ETV6: variants seen among roughly 807,000 people sequenced by gnomAD.
ETV6 encodes the protein transcription factor ETV6.
ETV6 carries 16 observed loss-of-function variants against 51.1 expected under a neutral mutation model. The ratio of observed to expected loss-of-function variants is 0.31; its 90% CI spans 0.21 to 0.48. The LOEUF is 0.48. ETV6 is among the 20% of genes least tolerant of loss of function. The probability of loss-of-function intolerance (pLI) is 0.99; values close to 1 mark genes in which losing one functional copy is unlikely to be tolerated. For synonymous variants in ETV6, 240 were observed against 224.1 expected (o/e 1.07, Z -0.64); for missense variants, 458 against 594.8 (o/e 0.77, Z 2.39).
At chr12:11,787,281 C>T (rs925344493) in intron 2 of ETV6, among the ~76,000 whole-genome samples, 1 of 152,178 alleles carries the variant, frequency 6.6e-6, no homozygotes, top group African/African-American at 2.4e-5. Flanking sequence ...CCACTCACCA[C>T]ATACGGCTTT....
intron 1 of ETV6, among the ~76,000 whole-genome samples, chr12:11,734,423 A>AGGC: frequency 6.6e-6 from 1 of 151,838 alleles, no homozygotes; most frequent in East Asian, 1.9e-4. Context: ...CCTGGGCAAC[A>AGGC]TGACGAAACC....
intron 2 of ETV6, among the ~76,000 whole-genome samples, chr12:11,834,506 G>C (rs1288887177): frequency 1.3e-5 from 2 of 152,202 alleles, no homozygotes; most frequent in Non-Finnish European, 2.9e-5. Context: ...AAACTGAAAA[G>C]AGAATGCAAC....
chr12:11,736,874 C>T (rs2121001145), intron 1 of ETV6, among the ~76,000 whole-genome samples: 1 of 152,354 alleles, frequency 6.6e-6, no homozygotes, highest in South Asian at 2.1e-4. Flanking sequence ...ACTAGAAATA[C>T]TTTGAGCTCA....
intron 1 of ETV6, among the ~76,000 whole-genome samples, chr12:11,750,114 GA>G (rs1865993862): frequency 6.6e-6 from 1 of 152,196 alleles, no homozygotes; most frequent in South Asian, 2.1e-4. Context: ...GTTTGCGGGG[GA>G]TGGCGTCAGA....
At chr12:11,859,978 T>C (rs1283523189) in intron 4 of ETV6, among the ~76,000 whole-genome samples, 1 of 152,190 alleles carries the variant, frequency 6.6e-6, no homozygotes, top group Non-Finnish European at 1.5e-5. Flanking sequence ...TTCACCCTTC[T>C]AGATCATTAA....
At chr12:11,788,393 C>T (rs1024892866) in intron 2 of ETV6, among the ~76,000 whole-genome samples, 1 of 152,174 alleles carries the variant, frequency 6.6e-6, no homozygotes, top group African/African-American at 2.4e-5. Flanking sequence ...GAACCACCAC[C>T]TGTTAAAAAG....
intron 2 of ETV6, among the ~76,000 whole-genome samples, chr12:11,787,192 A>G (rs553809732): frequency 6.6e-6 from 1 of 152,334 alleles, no homozygotes; most frequent in East Asian, 1.9e-4. Context: ...GTGAAAATGG[A>G]TCAGTTATTC....
intron 5 of ETV6, among the ~76,000 whole-genome samples, chr12:11,874,498 A>G (rs371512931): frequency 1.8e-3 from 2 of 1,100 alleles, no homozygotes; most frequent in African/African-American, 2.5e-3. Context: ...GTACACACAT[A>G]TGTGTATGTG....
At chr12:11,723,478 A>T (rs1235916012) in intron 1 of ETV6, among the ~76,000 whole-genome samples, 1 of 151,900 alleles carries the variant, frequency 6.6e-6, no homozygotes, top group Non-Finnish European at 1.5e-5. Context: ...ATTGTGACAA[A>T]ATTAATCCAT....
chr12:11,830,657 G>A (rs748325002), intron 2 of ETV6, among the ~76,000 whole-genome samples: 62 of 152,174 alleles, frequency 4.1e-4, no homozygotes, highest in Middle Eastern at 3.2e-3. Flanking sequence ...GCCTAGGAAT[G>A]GAAATCTTTG....
At chr12:11,668,209 C>T (rs901065329) in intron 1 of ETV6, among the ~76,000 whole-genome samples, 17 of 141,066 alleles carry the variant, frequency 1.2e-4, no homozygotes, top group African/African-American at 4.2e-4. Flanking sequence ...TAAAAATTGA[C>T]CTGCCTTGGA....
rs151030090 is a variant in ETV6, at chr12:11,709,997, T to C, written c.34-42453T>C. On this transcript the variant is annotated intron_variant, in intron 1 of 7. Transcript: ENST00000396373. ...GGAGAACCCTGACTAATACAGCATA[T>C]CACACCTCTCTGTATGCCACGTAGG... is the stretch of plus-strand genomic sequence containing the variant. Among the ~76,000 whole-genome samples the C allele has an allele frequency of 3.4e-3, 519 of 152,322 alleles. 3 individuals carry two copies. The highest frequency in any genetic ancestry group is 0.012 in the African/African-American group (491 of 41,558).
At chr12:11,860,783 A>C (rs1037352435) in intron 4 of ETV6, among the ~76,000 whole-genome samples, 1 of 152,148 alleles carries the variant, frequency 6.6e-6, no homozygotes, top group South Asian at 2.1e-4. Flanking sequence ...AGTAGTGGTA[A>C]GTCTATTCAC....
chr12:11,687,078 G>A (rs1864645186), intron 1 of ETV6, among the ~76,000 whole-genome samples: 1 of 152,068 alleles, frequency 6.6e-6, no homozygotes, highest in African/African-American at 2.4e-5. Context: ...TAGAGACGGG[G>A]TTTCACCATG....
At chr12:11,823,839 A>G (rs1482093225) in intron 2 of ETV6, among the ~76,000 whole-genome samples, 1 of 152,040 alleles carries the variant, frequency 6.6e-6, no homozygotes, top group Non-Finnish European at 1.5e-5. Flanking sequence ...GAAGCCATTC[A>G]GCCCCCCTTG....
At chr12:11,650,644 T>C (rs1863889401) in intron 1 of ETV6, among the ~76,000 whole-genome samples, 2 of 152,230 alleles carry the variant, frequency 1.3e-5, no homozygotes, top group South Asian at 4.2e-4. Flanking sequence ...TAAAGGACTC[T>C]CTGGGTCTGA....
At chr12:11,850,020 C>T (rs1337054444) in intron 3 of ETV6, among the ~76,000 whole-genome samples, 1 of 152,212 alleles carries the variant, frequency 6.6e-6, no homozygotes, top group Non-Finnish European at 1.5e-5. Flanking sequence ...GCTAAGGCCA[C>T]ACTCCTGGGT....
At chr12:11,795,844 T>C (rs1435501518) in intron 2 of ETV6, among the ~76,000 whole-genome samples, 1 of 152,198 alleles carries the variant, frequency 6.6e-6, no homozygotes, top group Non-Finnish European at 1.5e-5. Flanking sequence ...GTCCACTTCA[T>C]AGGGTGGTTC....
At chr12:11,771,987 A>G (rs1156402944) in intron 2 of ETV6, among the ~76,000 whole-genome samples, 2 of 152,214 alleles carry the variant, frequency 1.3e-5, no homozygotes, top group Non-Finnish European at 2.9e-5. Context: ...ATGGTCAATC[A>G]TCCAATTATA....
Sources: gnomAD v4.1 joint callset for allele counts (sites outside exome capture counted in the v4.1 genomes callset) on GRCh38, gnomAD v4.1.1 for gene constraint, MANE v1.5 for transcripts, NCBI Gene and HGNC (gene_info 2026-07-23, HGNC 2026-07-21) for gene names.